Variants in NCKAP5 observed in about 807,000 individuals in gnomAD.
NCKAP5 encodes the protein NCK associated protein 5.
In NCKAP5, 92 loss-of-function variants were observed where a neutral mutation model predicts 167.0. The observed-to-expected ratio is 0.55, with a 90% CI of 0.47 to 0.66. The LOEUF is 0.66. NCKAP5 is among the 30% of genes least tolerant of loss of function. NCKAP5 has a pLI of 0.00. For synonymous variants in NCKAP5, 891 were observed against 877.4 expected, an observed-to-expected ratio of 1.02 and a Z score of -0.27; for missense variants, 2,378 against 2,315.0, an observed-to-expected ratio of 1.03 and a Z score of -0.56.
Position 132,781,173 on chromosome 2 carries a change from C to T in NCKAP5, c.4928G>A (p.Arg1643Lys), listed in dbSNP as rs1683000565. The T allele has an allele frequency of 3.7e-6, 6 of 1,613,724 alleles. No individual in the cohort carries two copies. Among genetic ancestry groups the T allele is most frequent in the African/African-American group, 2.7e-5 (2 of 74,924 alleles). ...TESGSSNASC[R>K]NVLKGSSQGS... is the part of the protein sequence containing the mutation. ...CTGAGAACTGCCCTTTAACACATTC[C>T]TGCAGGAAGCATTACTTGATCCACT... is the stretch of plus-strand genomic sequence containing the variant. The change falls in exon 15 of 20, where the codon AGG becomes AAG. Residue 1643 changes from arginine (R) to lysine (K), a missense_variant. By Grantham distance (26) the Arg-to-Lys change is conservative (BLOSUM62 2). Transcript: ENST00000409261.
intron 5 of NCKAP5, among the ~76,000 whole-genome samples, chr2:133,160,440 T>TTTC (rs1559207926): frequency 2.8e-4 from 25 of 89,184 alleles, no homozygotes; most frequent in East Asian, 1.3e-3. Flanking sequence ...TTTCTTTTTC[T>TTTC]TTTTTTTTTT....
chr2:133,185,409 T>C (rs546997696), intron 5 of NCKAP5, among the ~76,000 whole-genome samples: 1 of 152,282 alleles, frequency 6.6e-6, no homozygotes, highest in African/African-American at 2.4e-5. Context: ...CCTCCAGCTA[T>C]GCTTCTTTTG....
At chr2:133,206,833 G>A (rs2085972809) in intron 5 of NCKAP5, among the ~76,000 whole-genome samples, 1 of 152,070 alleles carries the variant, frequency 6.6e-6, no homozygotes, top group Admixed American at 6.6e-5. Context: ...ATTCCTGGGG[G>A]TAGGTCTATA....
chr2:133,213,523 C>A (rs1479409063), intron 5 of NCKAP5, among the ~76,000 whole-genome samples, 193 bp downstream of exon 5: 4 of 151,204 alleles, frequency 2.6e-5, no homozygotes, highest in East Asian at 3.9e-4. Flanking sequence ...ATTTTTTTTT[C>A]AATTAATATC....
At chr2:133,131,862 C>T (rs976587420) in intron 5 of NCKAP5, among the ~76,000 whole-genome samples, 1 of 151,980 alleles carries the variant, frequency 6.6e-6, no homozygotes, top group Non-Finnish European at 1.5e-5. Flanking sequence ...GTTATATACA[C>T]AATTGACATT....
At chr2:133,289,900 G>A (rs1679448627) in intron 4 of NCKAP5, among the ~76,000 whole-genome samples, 1 of 152,176 alleles carries the variant, frequency 6.6e-6, no homozygotes, top group Non-Finnish European at 1.5e-5. Flanking sequence ...GAAGAAGCAA[G>A]CAAAGGTGGA....
At chr2:133,593,987 C>T in the NCKAP5 span, among the ~76,000 whole-genome samples, 2 of 152,196 alleles carry the variant, frequency 1.3e-5, no homozygotes, top group African/African-American at 4.8e-5. Context: ...CAGGTGGAGC[C>T]TCCTAGAGAG....
At chr2:133,516,083 T>C (rs1480675018) in intron 3 of NCKAP5, among the ~76,000 whole-genome samples, 1 of 152,230 alleles carries the variant, frequency 6.6e-6, no homozygotes, top group Non-Finnish European at 1.5e-5. Flanking sequence ...GAATCTTTCT[T>C]GAGCTGCTCA....
chr2:132,796,545 T>C, intron 12 of NCKAP5, 83 bp downstream of exon 12: 1 of 909,668 alleles, frequency 1.1e-6, no homozygotes, highest in South Asian at 1.6e-5. Context: ...AGGATGCACT[T>C]TATGGTTCGC....
chr2:132,950,356 A>G (rs751768396), intron 8 of NCKAP5, among the ~76,000 whole-genome samples: 20 of 152,182 alleles, frequency 1.3e-4, no homozygotes, highest in Non-Finnish European at 2.2e-4. Context: ...TTATAATATC[A>G]TTATTATTCT....
rs563705048 is a variant in NCKAP5 at position 132,766,235 on chromosome 2, G to A, written c.5128+7581C>T. Among the ~76,000 whole-genome samples the A allele has an allele frequency of 1.8e-3, 227 of 124,828 alleles. 1 individual carries two copies. Among genetic ancestry groups the A allele is most frequent in the African/African-American group, 6.9e-3 (221 of 31,940 alleles). 81.9% of individuals were successfully genotyped at this position (124,828 alleles called of 152,430 possible). On this transcript the variant is annotated intron_variant, in intron 16 of 19. Coordinates refer to ENST00000409261, the MANE Select transcript of NCKAP5 (RefSeq NM_207363.3). ...TTGGAGGTTGCAGTGAGCTGAGATC[G>A]CACCACTACCCTCCAGCCTGGCGAA...
chr2:133,236,274 C>G lies in NCKAP5; in HGVS notation c.144-22495G>C, dbSNP rs553178309. Among the ~76,000 whole-genome samples, 7 of 152,140 alleles carry G rather than the reference C, an allele frequency of 4.6e-5. No individual in the cohort carries two copies. In the South Asian group the frequency reaches 6.2e-4, roughly 14 times the overall value. On this transcript the variant is annotated intron_variant, in intron 4 of 19. Coordinates refer to ENST00000409261, the MANE Select transcript of NCKAP5 (RefSeq NM_207363.3). ...GGTTATGCACTGATCAGCTAAAAAA[C>G]CAGAGCCAGAGGCTCACAGGAATCT...
At chr2:132,806,939 C>T (rs569492780) in intron 11 of NCKAP5, among the ~76,000 whole-genome samples, 116 of 152,136 alleles carry the variant, frequency 7.6e-4, no homozygotes, top group African/African-American at 2.3e-3. Context: ...TTGTATGAGG[C>T]GAGAGGTAAG....
chr2:133,452,390 T>C (rs969393818), intron 3 of NCKAP5, among the ~76,000 whole-genome samples: 10 of 152,150 alleles, frequency 6.6e-5, no homozygotes, highest in African/African-American at 2.4e-4. Context: ...CCTGATTAAA[T>C]GGAATATGTG....
the NCKAP5 span, among the ~76,000 whole-genome samples, chr2:133,612,888 G>T: frequency 1.3e-5 from 2 of 152,282 alleles, no homozygotes; most frequent in African/African-American, 4.8e-5. Flanking sequence ...CCAGGAGCTT[G>T]CACTGAACAT....
intron 3 of NCKAP5, among the ~76,000 whole-genome samples, chr2:133,425,939 G>T (rs1203230939): frequency 6.6e-6 from 1 of 152,188 alleles, no homozygotes; most frequent in Non-Finnish European, 1.5e-5. Context: ...ACTCTCAAGT[G>T]CCTTTAAATT....
At chr2:133,133,893 A>G (rs889952603) in intron 5 of NCKAP5, among the ~76,000 whole-genome samples, 3 of 152,172 alleles carry the variant, frequency 2.0e-5, no homozygotes, top group African/African-American at 7.2e-5. Flanking sequence ...TGGAGCTAGA[A>G]TTGAGTTTTT....
chr2:132,824,300 G>T (rs1240467094), intron 11 of NCKAP5, among the ~76,000 whole-genome samples: 1 of 152,150 alleles, frequency 6.6e-6, no homozygotes, highest in African/African-American at 2.4e-5. Context: ...GCTCTGCTCT[G>T]CCCTCTTTTA....
At chr2:133,614,520 G>A in the NCKAP5 span, among the ~76,000 whole-genome samples, 13 of 151,996 alleles carry the variant, frequency 8.6e-5, no homozygotes, top group Non-Finnish European at 1.6e-4. Flanking sequence ...CTCAGGAGCC[G>A]ATGCAATCAA....
Sources: gnomAD v4.1 joint callset for allele counts (sites outside exome capture counted in the v4.1 genomes callset) on GRCh38, gnomAD v4.1.1 for gene constraint, MANE v1.5 for transcripts, NCBI Gene and HGNC (gene_info 2026-07-23, HGNC 2026-07-21) for gene names.